The following FSIP2 variants were observed in gnomAD, a reference collection of about 807,000 sequenced individuals.
FSIP2 encodes fibrous sheath interacting protein 2, also known as fibrous sheath-interacting protein 2.
In FSIP2, 367 loss-of-function variants were observed where a neutral mutation model predicts 510.5. The observed-to-expected ratio is 0.72, with a 90% CI of 0.66 to 0.78. The LOEUF (loss-of-function observed/expected upper bound fraction) is 0.78. Among genes scored for constraint, FSIP2 ranks in the 30% least tolerant of loss-of-function variants. The pLI, the probability that FSIP2 is intolerant of heterozygous loss-of-function variation, is 0.00. For synonymous variants in FSIP2, 2,601 were observed against 2,732.2 expected (o/e 0.95, Z 1.50); for missense variants, 7,594 against 7,901.7 (o/e 0.96, Z 1.48).
At chr2:185,824,876 G>A (rs1390237900) in intron 20 of FSIP2, among the ~76,000 whole-genome samples, 2 of 151,438 alleles carry the variant, frequency 1.3e-5, no homozygotes, top group Admixed American at 6.6e-5. Flanking sequence ...TATTAAAATC[G>A]GCCTAGGATG....
chr2:185,796,732 A>G lies in FSIP2; in HGVS notation c.9596A>G (p.Lys3199Arg). ...TGTTCAGATGAAGATATGAAAGAAA[A>G]GTACAGGGTTTCATCAGATTTACCC... Reference protein sequence around the residue: ...VFCSDEDMKEKYRVSSDLPTS... With the variant: ...VFCSDEDMKERYRVSSDLPTS... Residue 3199 changes from lysine to arginine, a missense_variant, in exon 16 of 23, where the codon AAG becomes AGG. Coordinates refer to ENST00000424728, the MANE Select transcript of FSIP2 (RefSeq NM_173651.4). 1 of 1,535,104 alleles carries G rather than the reference A, an allele frequency of 6.5e-7. No individual in the cohort carries two copies. Among genetic ancestry groups the G allele is most frequent in the Non-Finnish European group, 8.7e-7 (1 of 1,146,254 alleles).
In FSIP2 at chr2:185,799,967, G is replaced by C; in HGVS notation, c.10661G>C (p.Gly3554Ala). ...QVFESRSISIGELALCISEII... is the reference protein window; with the variant it reads ...QVFESRSISIAELALCISEII... The stretch of plus-strand genomic sequence containing the variant: ...TTTGAGAGCAGGTCAATTTCCATTG[G>C]AGAACTTGCTTTATGTATTTCTGAA... Residue 3554 changes from glycine (G) to alanine (A), a missense_variant, in exon 17 of 23, where the codon GGA (glycine) becomes GCA (alanine). Gly to Ala is a moderately conservative substitution (Grantham distance 60). Coordinates refer to ENST00000424728, the MANE Select transcript of FSIP2 (RefSeq NM_173651.4). The C allele has an allele frequency of 6.5e-7, 1 of 1,528,456 alleles. No homozygotes were observed. The highest frequency in any genetic ancestry group is 1.2e-5 in the South Asian group (1 of 83,202). The allele number at this position is 1,528,456 out of a possible 1,614,324, so 94.7% of individuals were successfully genotyped here.
chr2:185,764,183 C>G (rs1692413274), intron 12 of FSIP2, among the ~76,000 whole-genome samples: 1 of 151,422 alleles, frequency 6.6e-6, no homozygotes, highest in Non-Finnish European at 1.5e-5. Context: ...CATATTAAAT[C>G]TTAGATTGCC....
At chr2:185,781,338 A>G (rs1278193809) in intron 13 of FSIP2, among the ~76,000 whole-genome samples, 1 of 152,214 alleles carries the variant, frequency 6.6e-6, no homozygotes, top group African/African-American at 2.4e-5. Flanking sequence ...AAGCTAATGT[A>G]AATGTTCAGA....
rs754692188 is a variant in FSIP2 at position 185,745,395 on chromosome 2, T to TTA, written c.478-26_478-25dup. 1.3e-4 allele frequency: 163 copies of TTA among 1,302,946 alleles called. 1 individual carries two copies. Among genetic ancestry groups the TTA allele is most frequent in the South Asian group, 9.6e-4 (66 of 68,834 alleles). The allele number at this position is 1,302,946 out of a possible 1,614,324, so 80.7% of individuals were successfully genotyped here. ...TTATTTCTGGGAAATGTAAAAAGCA[T>TTA]TATATATATGTAATACACACATTTC... On this transcript the variant is annotated intron_variant, in intron 4 of 22. Transcript: ENST00000424728.
At chr2:185,817,667 T>C (rs1693849450) in intron 19 of FSIP2, among the ~76,000 whole-genome samples, 1 of 151,938 alleles carries the variant, frequency 6.6e-6, no homozygotes, top group Non-Finnish European at 1.5e-5. Flanking sequence ...ATACTCACAT[T>C]TGAACAAAAG....
At position 185,804,284 on chromosome 2, in the gene FSIP2, T is replaced by C; in HGVS notation, c.14978T>C (p.Val4993Ala). ...RIVTTLVNSI[V>A]LEFTTSEILV... ...GTTACAACATTGGTAAATTCAATTG[T>C]TCTGGAGTTCACCACATCAGAGATT... The change falls in exon 17 of 23, where the codon GTT (valine) becomes GCT (alanine). Residue 4993 changes from valine to alanine, a missense_variant. Val to Ala is a moderately conservative substitution (Grantham distance 64). Transcript: ENST00000424728. The C allele has an allele frequency of 6.5e-7, 1 of 1,527,126 alleles. No homozygotes were observed. The highest frequency in any genetic ancestry group is 1.2e-5 in the South Asian group (1 of 82,182). 94.6% of individuals were successfully genotyped at this position (1,527,126 alleles called of 1,614,324 possible).
Position 185,799,745 on chromosome 2 carries a change from A to G in FSIP2, c.10439A>G (p.Tyr3480Cys). 2.7e-6 allele frequency: 4 copies of G among 1,475,992 alleles called. No homozygotes were observed. The highest frequency in any genetic ancestry group is 3.6e-6 in the Non-Finnish European group (4 of 1,115,664). The allele number at this position is 1,475,992 out of a possible 1,614,324, so 91.4% of individuals were successfully genotyped here. A position where few individuals can be genotyped will look rare whatever the true frequency, so the allele number is the denominator to read the frequency against. Residue 3480 changes from tyrosine to cysteine, a missense_variant, in exon 17 of 23, where the codon TAT (tyrosine) becomes TGT (cysteine). Coordinates refer to ENST00000424728, the MANE Select transcript of FSIP2 (RefSeq NM_173651.4). ...GTTTCTACATGGTCAAGGAAAAAAT[A>G]TGAATCAAAACAGTTCCTAAGAAAC... Reference protein sequence around the residue: ...MSVSTWSRKKYESKQFLRNIY... With the variant: ...MSVSTWSRKKCESKQFLRNIY...
At chr2:185,817,014 G>A (rs956823623) in intron 19 of FSIP2, among the ~76,000 whole-genome samples, 8 of 151,164 alleles carry the variant, frequency 5.3e-5, no homozygotes, top group South Asian at 4.2e-4. Flanking sequence ...AGAGAGGGGT[G>A]AAGAAAGGGA....
chr2:185,795,275 G>A lies in FSIP2; in HGVS notation c.8139G>A (p.Leu2713=). The change falls in exon 16 of 23, where the codon TTG becomes TTA. Residue 2713 remains leucine, a synonymous_variant. Coordinates refer to ENST00000424728, the MANE Select transcript of FSIP2 (RefSeq NM_173651.4). ...KDSRSKTAIG[L]SHIMSAGDAK... ...GCAGATCCAAGACTGCCATTGGGTTGTCACACATCATGTCAGCTGGAGATG... is the reference window on the plus strand; with the variant it reads ...GCAGATCCAAGACTGCCATTGGGTTATCACACATCATGTCAGCTGGAGATG... 1 of 1,535,150 alleles carries A rather than the reference G, an allele frequency of 6.5e-7. No individual in the cohort carries two copies. The highest frequency in any genetic ancestry group is 8.7e-7 in the Non-Finnish European group (1 of 1,146,312).
In FSIP2 at chr2:185,758,114, C is replaced by A. The variant is rs535552314; in HGVS notation, c.1078+1836C>A. ...TTATGTAACTTTATAAAAATGGCTT[C>A]TTTTACTCAGCATAATACCCTGAAA... On this transcript the variant is annotated intron_variant, in intron 9 of 22. Coordinates refer to ENST00000424728, the MANE Select transcript of FSIP2 (RefSeq NM_173651.4). Among the ~76,000 whole-genome samples the A allele has an allele frequency of 2.6e-5, 4 of 151,400 alleles. No individual in the cohort carries two copies. The East Asian group carries it at 7.8e-4, about 29-fold the overall frequency.
At chr2:185,811,858 A>G (rs1322597985) in intron 17 of FSIP2, among the ~76,000 whole-genome samples, 4 of 152,146 alleles carry the variant, frequency 2.6e-5, no homozygotes, top group East Asian at 1.9e-4. Context: ...TGTTAAGCCT[A>G]TAGGCACACA....
chr2:185,789,377 C>T lies in FSIP2; in HGVS notation c.2241C>T (p.Ser747=), dbSNP rs1693063559. 4 of 1,534,870 alleles carry T rather than the reference C, an allele frequency of 2.6e-6. No individual in the cohort carries two copies. Among genetic ancestry groups the T allele is most frequent in the Non-Finnish European group, 3.5e-6 (4 of 1,145,938 alleles). ...AACGTGAAAAAGAAATCTTGCTTTC[C>T]AATGCTCATATTCCCTCAGTTGCTT... ...QCEREKEILL[S]NAHIPSVASE... Residue 747 remains serine (S), a synonymous_variant, in exon 16 of 23, where the codon TCC becomes TCT. Coordinates refer to ENST00000424728, the MANE Select transcript of FSIP2 (RefSeq NM_173651.4).
intron 12 of FSIP2, 55 bp downstream of exon 12, chr2:185,763,344 TA>T: frequency 2.6e-6 from 2 of 759,402 alleles, no homozygotes; most frequent in Non-Finnish European, 2.3e-6. Context: ...GATATGATCT[TA>T]TGGTCATAAT....
In FSIP2 at chr2:185,746,676, G is replaced by A; in HGVS notation, c.625G>A (p.Asp209Asn). Residue 209 changes from aspartate (D) to asparagine (N), a missense_variant, in exon 6 of 23, where the codon GAT (aspartate) becomes AAT (asparagine). Asp to Asn is a conservative substitution (Grantham distance 23). Coordinates refer to ENST00000424728, the MANE Select transcript of FSIP2 (RefSeq NM_173651.4). ...ATTTGCACTCTTACTCAGATATTTG[G>A]ATATGATAAGTAGAAAACTAGAACA... ...QERLMRHRYL[D>N]MISRKLEQLE... The A allele has an allele frequency of 2.0e-6, 3 of 1,512,000 alleles. No individual in the cohort carries two copies. Among genetic ancestry groups the A allele is most frequent in the Non-Finnish European group, 2.6e-6 (3 of 1,137,334 alleles). 93.7% of individuals were successfully genotyped at this position (1,512,000 alleles called of 1,614,324 possible). A position where few individuals can be genotyped will look rare whatever the true frequency, so the allele number is the denominator to read the frequency against.
At chr2:185,787,959 TTTATTTGTA>T (rs1313173652) in intron 15 of FSIP2, 1 of 151,598 alleles carries the variant, frequency 6.6e-6, no homozygotes, top group Non-Finnish European at 1.5e-5. Context: ...TTATTTTTAT[TTTATTTGTA>T]TTATTTGTAT....
chr2:185,806,754 T>C lies in FSIP2; in HGVS notation c.17448T>C (p.Ser5816=). The stretch of plus-strand genomic sequence containing the variant: ...TACAAGATAGATGTCAAAATGTTAG[T>C]GATAAGCAAAATCAAGCCAAACTCT... ...TQIQDRCQNV[S]DKQNQAKLYD... Residue 5816 remains serine (S), a synonymous_variant, in exon 17 of 23, where the codon AGT becomes AGC. Coordinates refer to ENST00000424728, the MANE Select transcript of FSIP2 (RefSeq NM_173651.4). 2 of 1,611,860 alleles carry C rather than the reference T, an allele frequency of 1.2e-6. No homozygotes were observed. Among genetic ancestry groups the C allele is most frequent in the South Asian group, 1.1e-5 (1 of 90,940 alleles).
chr2:185,818,509 A>G (rs889843946), intron 19 of FSIP2, among the ~76,000 whole-genome samples: 1 of 151,982 alleles, frequency 6.6e-6, no homozygotes, highest in African/African-American at 2.4e-5. Context: ...CAAAAATATC[A>G]TATCAAGACA....
chr2:185,818,470 A>G (rs1693862322), intron 19 of FSIP2, among the ~76,000 whole-genome samples: 1 of 151,934 alleles, frequency 6.6e-6, no homozygotes, highest in South Asian at 2.1e-4. Flanking sequence ...AAATAAAAGA[A>G]GCTTGACAAA....
Sources: gnomAD v4.1 joint callset for allele counts (sites outside exome capture counted in the v4.1 genomes callset) on GRCh38, gnomAD v4.1.1 for gene constraint, MANE v1.5 for transcripts, NCBI Gene and HGNC (gene_info 2026-07-23, HGNC 2026-07-21) for gene names.